The following DSCAM variants were observed in gnomAD, a reference collection of about 807,000 sequenced individuals.
DSCAM encodes DS cell adhesion molecule.
A neutral mutation model predicts 217.7 loss-of-function variants in DSCAM; 47 were observed. The observed-to-expected ratio is 0.22, with a 90% CI of 0.17 to 0.28. The LOEUF is 0.28. DSCAM is among the 10% of genes least tolerant of loss of function. The pLI, the probability that DSCAM is intolerant of heterozygous loss-of-function variation, is 1.00. For missense variants in DSCAM, 2,080 were observed against 2,618.3 expected, an observed-to-expected ratio of 0.79 and a Z score of 4.49; for synonymous variants, 1,056 against 1,015.3, an observed-to-expected ratio of 1.04 and a Z score of -0.76.
At chr21:40,022,785 T>C (rs1282956329) in intron 32 of DSCAM, among the ~76,000 whole-genome samples, 1 of 151,932 alleles carries the variant, frequency 6.6e-6, no homozygotes, top group East Asian at 1.9e-4. Context: ...ACATTCTTTT[T>C]TTTTTTCTTA....
intron 9 of DSCAM, among the ~76,000 whole-genome samples, chr21:40,297,646 C>T (rs554663676): frequency 1.8e-4 from 28 of 152,192 alleles, no homozygotes; most frequent in South Asian, 1.0e-3. Flanking sequence ...TCTGAGCCAA[C>T]GTGACGATCG....
chr21:40,505,821 T>C (rs1476616264), intron 3 of DSCAM, among the ~76,000 whole-genome samples: 2 of 152,184 alleles, frequency 1.3e-5, no homozygotes, highest in Non-Finnish European at 2.9e-5. Context: ...CCCACTACAC[T>C]CCCCATATCC....
At chr21:40,118,037 A>G (rs959135097) in intron 20 of DSCAM, among the ~76,000 whole-genome samples, 2 of 152,222 alleles carry the variant, frequency 1.3e-5, no homozygotes, top group Non-Finnish European at 2.9e-5. Flanking sequence ...GGATGGAAGA[A>G]GGTTTTTAGA....
intron 3 of DSCAM, among the ~76,000 whole-genome samples, chr21:40,425,042 G>A (rs189751623): frequency 6.6e-6 from 1 of 152,230 alleles, no homozygotes; most frequent in African/African-American, 2.4e-5. Context: ...AGGTTGCAGA[G>A]AGCCAAGATT....
At chr21:40,186,524 A>G (rs1028191485) in intron 14 of DSCAM, among the ~76,000 whole-genome samples, 1 of 152,166 alleles carries the variant, frequency 6.6e-6, no homozygotes, top group African/African-American at 2.4e-5. Flanking sequence ...AAGGCAATGA[A>G]TGGGCACACC....
intron 16 of DSCAM, among the ~76,000 whole-genome samples, chr21:40,161,902 TA>T (rs1321320831): frequency 6.6e-6 from 1 of 151,990 alleles, no homozygotes. Flanking sequence ...TCAGTTGATA[TA>T]GGAAAAAAGG....
Position 40,647,004 on chromosome 21 carries a change from T to G in DSCAM, c.508+45806A>C, listed in dbSNP as rs149055654. Among the ~76,000 whole-genome samples the G allele has an allele frequency of 2.4e-3, 370 of 152,362 alleles. 1 individual carries two copies. Among genetic ancestry groups the G allele is most frequent in the Non-Finnish European group, 4.1e-3 (281 of 68,040 alleles). On this transcript the variant is annotated intron_variant, in intron 3 of 32. Coordinates refer to ENST00000400454, the MANE Select transcript of DSCAM (RefSeq NM_001389.5). The stretch of plus-strand genomic sequence containing the variant: ...TTTATAACATCATAAAGACACAAAG[T>G]TGTTCAAATTTTGCTCTGGGATTTT...
In DSCAM at chr21:40,044,395, A is replaced by T. The variant is rs2088809474; in HGVS notation, c.5186-120T>A. The T allele has an allele frequency of 4.5e-6, 4 of 894,222 alleles. No individual in the cohort carries two copies. In the South Asian group the frequency reaches 6.9e-5, roughly 16 times the overall value. The allele number at this position is 894,222 out of a possible 1,614,324, so 55.4% of individuals were successfully genotyped here. ...CGACTCGCCCACGCCCTCCAGGAAA[A>T]CTTCCTTGACTTCTCCTGTGCAGAG... On this transcript the variant is annotated intron_variant, in intron 30 of 32. Coordinates refer to ENST00000400454, the MANE Select transcript of DSCAM (RefSeq NM_001389.5).
At chr21:40,379,526 C>T (rs574122373) in intron 3 of DSCAM, among the ~76,000 whole-genome samples, 1 of 152,288 alleles carries the variant, frequency 6.6e-6, no homozygotes, top group South Asian at 2.1e-4. Flanking sequence ...CCCTCCCCTC[C>T]AAATACCTCA....
At chr21:40,194,783 T>C (rs903426325) in intron 11 of DSCAM, among the ~76,000 whole-genome samples, 18 of 152,188 alleles carry the variant, frequency 1.2e-4, no homozygotes, top group African/African-American at 4.1e-4. Context: ...GGAGATCTGA[T>C]TGTGCACATC....
At chr21:40,827,351 T>A (rs544074320) in intron 1 of DSCAM, among the ~76,000 whole-genome samples, 1 of 151,090 alleles carries the variant, frequency 6.6e-6, no homozygotes, top group Non-Finnish European at 1.5e-5. Flanking sequence ...GCACCTGTAG[T>A]CCAGCTACTC....
intron 15 of DSCAM, among the ~76,000 whole-genome samples, chr21:40,176,202 T>G (rs2090728362): frequency 6.6e-6 from 1 of 152,084 alleles, no homozygotes; most frequent in Admixed American, 6.5e-5. Flanking sequence ...ACATGGAACT[T>G]GTAGTGCCTT....
chr21:40,368,001 C>A (rs959174189), intron 4 of DSCAM, among the ~76,000 whole-genome samples: 5 of 152,118 alleles, frequency 3.3e-5, no homozygotes, highest in African/African-American at 1.2e-4. Context: ...CTGAGAGATA[C>A]ATTTAAAAAT....
At chr21:40,828,321 T>C (rs997871317) in intron 1 of DSCAM, among the ~76,000 whole-genome samples, 1 of 151,648 alleles carries the variant, frequency 6.6e-6, no homozygotes, top group African/African-American at 2.4e-5. Flanking sequence ...TGAATGGAGG[T>C]TTCAGCTTTC....
intron 3 of DSCAM, among the ~76,000 whole-genome samples, chr21:40,556,742 T>C (rs968060910): frequency 1.3e-5 from 2 of 152,138 alleles, no homozygotes; most frequent in Non-Finnish European, 2.9e-5. Flanking sequence ...CCCTGAGGGA[T>C]GGCATTAACC....
At chr21:40,728,742 C>T (rs957095923) in intron 1 of DSCAM, among the ~76,000 whole-genome samples, 2 of 152,126 alleles carry the variant, frequency 1.3e-5, no homozygotes, top group Admixed American at 6.6e-5. Flanking sequence ...TTCTGAATGC[C>T]GCCTCTCCAT....
At chr21:40,301,482 T>G (rs1050768892) in intron 9 of DSCAM, among the ~76,000 whole-genome samples, 5 of 151,034 alleles carry the variant, frequency 3.3e-5, no homozygotes, top group African/African-American at 1.2e-4. Context: ...GTCTGTTTAA[T>G]AAGTTCCCAT....
Position 40,012,961 on chromosome 21 carries a change from T to C in DSCAM, c.*73A>G, listed in dbSNP as rs1476168192. On this transcript the variant is annotated 3_prime_UTR_variant, in exon 33 of 33. Coordinates refer to ENST00000400454, the MANE Select transcript of DSCAM (RefSeq NM_001389.5). ...TTTCTTTAATTATAAATATTGGAAT[T>C]CCGTAAAAAAAAGGTAGCTTTGATT... The C allele has an allele frequency of 2.7e-5, 30 of 1,129,210 alleles. No homozygotes were observed. Among genetic ancestry groups the C allele is most frequent in the Non-Finnish European group, 3.5e-5 (30 of 858,858 alleles). 69.9% of individuals were successfully genotyped at this position (1,129,210 alleles called of 1,614,324 possible).
At chr21:40,822,578 T>C (rs914844189) in intron 1 of DSCAM, among the ~76,000 whole-genome samples, 1 of 152,076 alleles carries the variant, frequency 6.6e-6, no homozygotes, top group East Asian at 1.9e-4. Context: ...ATAAGCACAG[T>C]AAATATTTTC....
Sources: allele counts gnomAD v4.1 joint callset (sites outside exome capture counted in the v4.1 genomes callset), GRCh38; gene constraint gnomAD v4.1.1; transcripts MANE v1.5; gene names NCBI Gene and HGNC (gene_info 2026-07-23, HGNC 2026-07-21).